Variants in PSMD2 observed in about 807,000 individuals in gnomAD.
PSMD2 encodes the protein proteasome 26S subunit ubiquitin receptor, non-ATPase 2, also known as 26S proteasome non-ATPase regulatory subunit 2.
PSMD2 carries 8 observed loss-of-function variants against 101.5 expected under a neutral mutation model. That is an observed-to-expected ratio of 0.08 (90% CI 0.05 to 0.14). The LOEUF is 0.14. Ranked by LOEUF, PSMD2 falls within the 10% of genes least tolerant of loss-of-function variation. The probability of loss-of-function intolerance (pLI) is 1.00; values close to 1 mark genes in which losing one functional copy is unlikely to be tolerated. For missense variants in PSMD2, 784 were observed against 1,147.4 expected (o/e 0.68, Z 4.58); for synonymous variants, 418 against 433.8 (o/e 0.96, Z 0.45).
chr3:184,303,531 C>T, intron 9 of PSMD2, 65 bp downstream of exon 9: 1 of 1,605,008 alleles, frequency 6.2e-7, no homozygotes, highest in Non-Finnish European at 8.5e-7. Flanking sequence ...CTCTTGGAGT[C>T]ATAAGTTATC....
At chr3:184,306,019 C>T in intron 13 of PSMD2, 35 bp from the exon 14 acceptor site, 1 of 1,613,552 alleles carries the variant, frequency 6.2e-7, no homozygotes, top group East Asian at 2.2e-5. Context: ...TGGATGGAGG[C>T]AAGTATCCTC....
At chr3:184,307,744 GA>G (rs761324973) in intron 18 of PSMD2, 36 bp downstream of exon 18, 25 of 1,609,470 alleles carry the variant, frequency 1.6e-5, no homozygotes, top group Non-Finnish European at 2.0e-5. Flanking sequence ...GCGTGCCGGG[GA>G]AGTATCTGTG....
At position 184,304,198 on chromosome 3, in the gene PSMD2, G is replaced by GTGAATGTT; in HGVS notation, c.1452-103_1452-96dup. ...GTGCCTATTGGGTATCTGGCTCTTG[G>GTGAATGTT]TGAATGTTTGTTGAAATGGTGAATG... On this transcript the variant is annotated intron_variant, in intron 11 of 20. Coordinates refer to ENST00000310118, the MANE Select transcript of PSMD2 (RefSeq NM_002808.5). This position sits in a 1 kb window ranked among gnomAD's most constrained non-coding sequence, Gnocchi z 4.1. The GTGAATGTT allele has an allele frequency of 6.4e-7, 1 of 1,552,214 alleles. No individual in the cohort carries two copies. The highest frequency in any genetic ancestry group is 8.9e-7 in the Non-Finnish European group (1 of 1,124,384).
Position 184,303,073 on chromosome 3 carries a change from C to G in PSMD2, c.1069+11C>G. ...ACCTAGAGAACAACAGTGAGTAGCC[C>G]TCTCTGTGTATGGGATTTGGGGGAT... is the stretch of plus-strand genomic sequence containing the variant. On this transcript the variant is annotated intron_variant, in intron 8 of 20. Coordinates refer to ENST00000310118, the MANE Select transcript of PSMD2 (RefSeq NM_002808.5). 2 of 1,612,592 alleles carry G rather than the reference C, an allele frequency of 1.2e-6. No individual in the cohort carries two copies. Among genetic ancestry groups the G allele is most frequent in the Non-Finnish European group, 1.7e-6 (2 of 1,178,704 alleles).
At position 184,303,368 on chromosome 3, in the gene PSMD2, C is replaced by T; in HGVS notation, c.1118C>T (p.Ala373Val). The T allele has an allele frequency of 6.2e-7, 1 of 1,614,088 alleles. No individual in the cohort carries two copies. The highest frequency in any genetic ancestry group is 8.5e-7 in the Non-Finnish European group (1 of 1,180,012). The change falls in exon 9 of 21, where the codon GCC (alanine) becomes GTC (valine). Residue 373 changes from alanine (A) to valine (V), a missense_variant. By Grantham distance (64) the Ala-to-Val change is moderately conservative. Coordinates refer to ENST00000310118, the MANE Select transcript of PSMD2 (RefSeq NM_002808.5). ...SQVDSARMNL[A>V]SSFVNGFVNA... ...GTGGACTCTGCCCGCATGAACCTGGCCTCCTCTTTTGTGAATGGCTTTGTG... is the reference window on the plus strand; with the variant it reads ...GTGGACTCTGCCCGCATGAACCTGGTCTCCTCTTTTGTGAATGGCTTTGTG...
At position 184,306,514 on chromosome 3, in the gene PSMD2, C is replaced by T. The variant is rs752497405; in HGVS notation, c.1950+19C>T. On this transcript the variant is annotated intron_variant, in intron 15 of 20. Coordinates refer to ENST00000310118, the MANE Select transcript of PSMD2 (RefSeq NM_002808.5). ...ACATCAGGTTATATGGGCAGCTGGG[C>T]ACTTGCAGAGAGGCTGTGAGAAGAG... The T allele has an allele frequency of 6.2e-7, 1 of 1,608,158 alleles. No homozygotes were observed. The highest frequency in any genetic ancestry group is 8.5e-7 in the Non-Finnish European group (1 of 1,177,760).
rs781435727 is a variant in PSMD2 at position 184,305,927 on chromosome 3, C to T, written c.1699C>T (p.Leu567=). The change falls in exon 13 of 21, where the codon CTG becomes TTG. Residue 567 remains leucine (L), a synonymous_variant. Coordinates refer to ENST00000310118, the MANE Select transcript of PSMD2 (RefSeq NM_002808.5). ...TCCTCTTGGACTGGGTCTCAACCAC[C>T]TGGGTGAGGGGATGTTTCTATTTGG... is the stretch of plus-strand genomic sequence containing the variant. ...WLPLGLGLNH[L]GKGEAIEAIL... 6.8e-6 allele frequency: 11 copies of T among 1,614,104 alleles called. No homozygotes were observed. The highest frequency in any genetic ancestry group is 1.6e-4 in the Middle Eastern group (1 of 6,062).
At position 184,304,432 on chromosome 3, in the gene PSMD2, G is replaced by T; in HGVS notation, c.1539+41G>T. 36 of 1,567,604 alleles carry T rather than the reference G, an allele frequency of 2.3e-5. No homozygotes were observed. The highest frequency in any genetic ancestry group is 3.1e-5 in the Non-Finnish European group (35 of 1,137,794). On this transcript the variant is annotated intron_variant, in intron 12 of 20. Transcript: ENST00000310118. This position sits in a 1 kb window ranked among gnomAD's most constrained non-coding sequence, Gnocchi z 4.1. ...TGAGCATTTAGAGTAAGTAGGGAAG[G>T]TGCTTTGAGTCTTACTTTCTGTGAT...
chr3:184,302,959 G>T, intron 7 of PSMD2, 43 bp from the exon 8 acceptor site: 1 of 1,612,446 alleles, frequency 6.2e-7, no homozygotes, highest in Non-Finnish European at 8.5e-7. Flanking sequence ...GACAGCTGGG[G>T]GAGTTCTAGG....
At position 184,303,256 on chromosome 3, in the gene PSMD2, T is replaced by G. The variant is rs1439914112; in HGVS notation, c.1070-64T>G. On this transcript the variant is annotated intron_variant, in intron 8 of 20. Transcript: ENST00000310118. ...CAGAACCAGAGACCAGTTGCCATGC[T>G]GTGTTTCTTTCCTGTCCTACCTGAA... The G allele has an allele frequency of 1.9e-6, 3 of 1,574,332 alleles. No homozygotes were observed. The African/African-American group carries it at 4.1e-5, about 21-fold the overall frequency.
At chr3:184,302,272 A>G in intron 5 of PSMD2, 98 bp from the exon 6 acceptor site, 1 of 1,315,328 alleles carries the variant, frequency 7.6e-7, no homozygotes, top group Non-Finnish European at 1.1e-6. Flanking sequence ...TGCCTGGTGT[A>G]TATAGTAGAT....
At chr3:184,299,981 C>T in intron 2 of PSMD2, 74 bp downstream of exon 2, 1 of 1,320,314 alleles carries the variant, frequency 7.6e-7, no homozygotes, top group Non-Finnish European at 1.1e-6. Context: ...TTTGAGGCAA[C>T]TGCTATGTAC....
Position 184,306,800 on chromosome 3 carries a change from G to A in PSMD2, c.2000G>A (p.Gly667Asp). The change falls in exon 16 of 21, where the codon GGT (glycine) becomes GAT (aspartate). Residue 667 changes from glycine (G) to aspartate (D), a missense_variant. Gly to Asp is a moderately conservative substitution (Grantham distance 94, BLOSUM62 -1). Transcript: ENST00000310118. ...CTTATTGCTATGGGGGAGGAGATTG[G>A]TGCAGAGATGGCATTACGAACCTTT... Reference protein sequence around the residue: ...IALIAMGEEIGAEMALRTFGH... With the variant: ...IALIAMGEEIDAEMALRTFGH... The A allele has an allele frequency of 6.2e-7, 1 of 1,614,048 alleles. No individual in the cohort carries two copies. The highest frequency in any genetic ancestry group is 1.1e-5 in the South Asian group (1 of 91,062).
At chr3:184,299,530 A>C in intron 1 of PSMD2, 129 bp downstream of exon 1, 1 of 1,209,242 alleles carries the variant, frequency 8.3e-7, no homozygotes, top group Non-Finnish European at 1.1e-6. Flanking sequence ...GACCCTCGGG[A>C]CTCCCGGCAC....
Position 184,304,456 on chromosome 3 carries a change from A to C in PSMD2, c.1539+65A>C. On this transcript the variant is annotated intron_variant, in intron 12 of 20. Transcript: ENST00000310118. This position sits in a 1 kb window ranked among gnomAD's most constrained non-coding sequence, Gnocchi z 4.1. ...GGTGCTTTGAGTCTTACTTTCTGTG[A>C]TAAATAATGAAAAAGAAGTAAGTGT... The C allele has an allele frequency of 6.7e-7, 1 of 1,494,994 alleles. No individual in the cohort carries two copies. Among genetic ancestry groups the C allele is most frequent in the Non-Finnish European group, 9.3e-7 (1 of 1,072,306 alleles). 92.6% of individuals were successfully genotyped at this position (1,494,994 alleles called of 1,614,324 possible). A position where few individuals can be genotyped will look rare whatever the true frequency, so the allele number is the denominator to read the frequency against.
At chr3:184,302,652 G>A in intron 6 of PSMD2, 27 bp from the exon 7 acceptor site, 2 of 1,614,020 alleles carry the variant, frequency 1.2e-6, no homozygotes, top group Non-Finnish European at 8.5e-7. Context: ...GGACAGTGAT[G>A]AGCAGATGTA....
In PSMD2 at chr3:184,302,364, T is replaced by C. The variant is rs1357496023; in HGVS notation, c.705-6T>C. On this transcript the variant is annotated splice_region_variant and splice_polypyrimidine_tract_variant and intron_variant, in intron 5 of 20. Transcript: ENST00000310118. Reference sequence around the variant, plus strand: ...TCTGAATTCTTTGTTACTTTTACTTTTGTAGTTGTGTGAATTACGTGCCTG... The same window carrying C: ...TCTGAATTCTTTGTTACTTTTACTTCTGTAGTTGTGTGAATTACGTGCCTG... The C allele has an allele frequency of 6.2e-7, 1 of 1,609,298 alleles. No homozygotes were observed. The highest frequency in any genetic ancestry group is 2.2e-5 in the East Asian group (1 of 44,860).
rs140070375 is a variant in PSMD2, at chr3:184,303,031, T to C, written c.1038T>C (p.Asp346=). Residue 346 remains aspartate (D), a synonymous_variant, in exon 8 of 21, where the codon GAT becomes GAC. Transcript: ENST00000310118. ...ACATCATGGAGCCCAAGGTGCCTGA[T>C]GACATCTACAAAACCCACCTAGAGA... is the stretch of plus-strand genomic sequence containing the variant. ...ELDIMEPKVP[D]DIYKTHLENN... is the part of the protein sequence containing the mutation. 2.9e-5 allele frequency: 47 copies of C among 1,614,020 alleles called. No individual in the cohort carries two copies. Among genetic ancestry groups the C allele is most frequent in the Non-Finnish European group, 3.6e-5 (42 of 1,180,044 alleles).
In PSMD2 at chr3:184,308,700, C is replaced by G; in HGVS notation, c.2545-8C>G. The G allele has an allele frequency of 6.2e-7, 1 of 1,610,672 alleles. No individual in the cohort carries two copies. The highest frequency in any genetic ancestry group is 8.5e-7 in the Non-Finnish European group (1 of 1,177,386). ...TCCATCTCTCTTTTCAATTTTCTTACCCTACAGGCAGTGGATGTGGTGGGC... is the reference window on the plus strand; with the variant it reads ...TCCATCTCTCTTTTCAATTTTCTTAGCCTACAGGCAGTGGATGTGGTGGGC... On this transcript the variant is annotated splice_polypyrimidine_tract_variant and splice_region_variant and intron_variant, in intron 20 of 20. Transcript: ENST00000310118. This position sits in a 1 kb window ranked among gnomAD's most constrained non-coding sequence, Gnocchi z 6.0.
Sources: allele counts gnomAD v4.1 joint callset, GRCh38; gene constraint gnomAD v4.1.1; non-coding constraint Gnocchi (gnomAD v3.1); transcripts MANE v1.5; gene names NCBI Gene and HGNC (gene_info 2026-07-23, HGNC 2026-07-21).